GLCCI1: variants seen among roughly 807,000 people sequenced by gnomAD.
The protein encoded by GLCCI1 is glucocorticoid-induced transcript 1 protein.
Under a neutral mutation model 52.2 loss-of-function variants are expected in GLCCI1, and 24 were observed. The ratio of observed to expected loss-of-function variants is 0.46; its 90% confidence interval spans 0.33 to 0.65. The LOEUF (loss-of-function observed/expected upper bound fraction) is 0.65. Ranked by LOEUF, GLCCI1 falls within the 30% of genes least tolerant of loss-of-function variation. The pLI is 0.02. For missense variants in GLCCI1, 704 were observed against 701.5 expected, an observed-to-expected ratio of 1.00 and a Z score of -0.04; for synonymous variants, 310 against 276.5, an observed-to-expected ratio of 1.12 and a Z score of -1.20.
chr7:8,015,961 AAGCACAC>A (rs1359969885), intron 2 of GLCCI1, among the ~76,000 whole-genome samples: 1 of 152,122 alleles, frequency 6.6e-6, no homozygotes, highest in East Asian at 1.9e-4. Flanking sequence ...CTTTGCCCCT[AAGCACAC>A]TCTAGGTAAA....
chr7:8,054,351 G>A (rs2127958714), intron 3 of GLCCI1, among the ~76,000 whole-genome samples: 1 of 152,214 alleles, frequency 6.6e-6, no homozygotes, highest in South Asian at 2.1e-4. Context: ...TCTTTTGCAA[G>A]CACATTTTAT....
chr7:7,987,176 C>CT (rs769267900), intron 1 of GLCCI1, among the ~76,000 whole-genome samples: 30 of 152,326 alleles, frequency 2.0e-4, no homozygotes, highest in Non-Finnish European at 3.4e-4. Context: ...CTATCCTCCA[C>CT]TGTGTACCTT....
chr7:8,072,602 G>A (rs575522102), intron 6 of GLCCI1, among the ~76,000 whole-genome samples: 1 of 152,252 alleles, frequency 6.6e-6, no homozygotes, highest in African/African-American at 2.4e-5. Context: ...CAGTAGGAGT[G>A]TTTGTTTTGA....
rs201412829 is a variant in GLCCI1 at position 8,013,764 on chromosome 7, A to G, written c.610-8719A>G. ...GTCTTTTTTGGTTGCTGTTGTAATT[A>G]GGATATTTAATATCTAATTTACATA... On this transcript the variant is annotated intron_variant, in intron 2 of 7. Transcript: ENST00000223145. 2.0e-5 allele frequency among the ~76,000 whole-genome samples: 3 copies of G among 152,312 alleles called. No individual in the cohort carries two copies. In the East Asian group the frequency reaches 5.8e-4, roughly 29 times the overall value.
chr7:8,057,528 G>A (rs1456122830), intron 4 of GLCCI1, among the ~76,000 whole-genome samples: 3 of 151,802 alleles, frequency 2.0e-5, no homozygotes, highest in East Asian at 1.9e-4. Flanking sequence ...TTAGGGATGC[G>A]GATTGACCAC....
At position 7,969,874 on chromosome 7, in the gene GLCCI1, C is replaced by T; in HGVS notation, c.457+67C>T. 4.7e-6 allele frequency: 6 copies of T among 1,271,194 alleles called. No homozygotes were observed. Among genetic ancestry groups the T allele is most frequent in the South Asian group, 1.5e-5 (1 of 64,754 alleles). The allele number at this position is 1,271,194 out of a possible 1,614,324, so 78.7% of individuals were successfully genotyped here. The stretch of plus-strand genomic sequence containing the variant: ...CCGACGGTGCCCTCCGTGGAAACTT[C>T]AGCCTCTTCGGGCTTCTCTTTGCTA... On this transcript the variant is annotated intron_variant, in intron 1 of 7. Transcript: ENST00000223145. The surrounding 1 kb of genome is among the most constrained non-coding windows in gnomAD (Gnocchi z 4.9).
chr7:8,050,465 AACTAG>A (rs1412065380), intron 3 of GLCCI1, among the ~76,000 whole-genome samples: 1 of 152,198 alleles, frequency 6.6e-6, no homozygotes, highest in African/African-American at 2.4e-5. Context: ...ATTTACTTTT[AACTAG>A]ACTATAGACC....
chr7:8,048,699 C>G (rs931997432), intron 3 of GLCCI1, among the ~76,000 whole-genome samples: 2 of 152,118 alleles, frequency 1.3e-5, no homozygotes, highest in African/African-American at 4.8e-5. Flanking sequence ...TTCATAGATG[C>G]TAGCAGAAGG....
At chr7:8,075,369 T>A (rs1388961077) in intron 6 of GLCCI1, among the ~76,000 whole-genome samples, 1 of 152,188 alleles carries the variant, frequency 6.6e-6, no homozygotes, top group Admixed American at 6.5e-5. Context: ...CTAATAGCCA[T>A]AGGAACTACT....
At chr7:8,070,393 C>G (rs1372500864) in intron 5 of GLCCI1, 1 of 152,746 alleles carries the variant, frequency 6.5e-6, no homozygotes, top group East Asian at 1.9e-4. Context: ...GAATAAACCT[C>G]TTTATTAGAA....
In GLCCI1 at chr7:8,079,882, T is replaced by TC. The variant is rs554450352; in HGVS notation, c.1178-5011dup. Among the ~76,000 whole-genome samples the TC allele has an allele frequency of 3.5e-3, 536 of 151,728 alleles. 6 individuals are homozygous for TC. Among genetic ancestry groups the TC allele is most frequent in the Non-Finnish European group, 5.9e-3 (400 of 67,992 alleles). ...TAATAAAAGGTTCTGATGTCATTTT[T>TC]CCCCTGTACTCTTTGCTGAATGCTG... On this transcript the variant is annotated intron_variant, in intron 6 of 7. Coordinates refer to ENST00000223145, the MANE Select transcript of GLCCI1 (RefSeq NM_138426.4).
intron 3 of GLCCI1, among the ~76,000 whole-genome samples, chr7:8,040,544 A>ACACACACACG (rs1371523962): frequency 6.6e-6 from 1 of 151,916 alleles, no homozygotes; most frequent in East Asian, 1.9e-4. Flanking sequence ...ACACACACAC[A>ACACACACACG]CACACACACA....
At chr7:8,034,978 C>T (rs13245462) in intron 3 of GLCCI1, among the ~76,000 whole-genome samples, 24,047 of 152,140 alleles carry the variant, frequency 0.16, 2,228 homozygotes, top group East Asian at 0.35. Context: ...GCTGTGATGG[C>T]AGGCCCAATA....
intron 4 of GLCCI1, among the ~76,000 whole-genome samples, chr7:8,058,119 A>C (rs1047356211): frequency 6.6e-6 from 1 of 152,200 alleles, no homozygotes; most frequent in African/African-American, 2.4e-5. Flanking sequence ...CTAGATGACT[A>C]GATAAAGTAT....
chr7:7,991,893 T>C (rs568932028), intron 1 of GLCCI1, among the ~76,000 whole-genome samples: 3 of 152,164 alleles, frequency 2.0e-5, no homozygotes, highest in East Asian at 3.9e-4. Flanking sequence ...CAAAAACCTA[T>C]TGATGGTTTT....
At chr7:7,981,681 CA>C (rs1182303534) in intron 1 of GLCCI1, 13 of 242,798 alleles carry the variant, frequency 5.4e-5, no homozygotes, top group African/African-American at 2.8e-4. Flanking sequence ...TTATAGATGA[CA>C]GAAGAAAACA....
chr7:7,999,043 A>T (rs1334481529), intron 1 of GLCCI1, among the ~76,000 whole-genome samples: 1 of 152,042 alleles, frequency 6.6e-6, no homozygotes, highest in East Asian at 1.9e-4. Flanking sequence ...AAGCAGCTAC[A>T]CATTACTGCA....
chr7:7,984,741 A>C (rs1780689332), intron 1 of GLCCI1, among the ~76,000 whole-genome samples: 1 of 152,256 alleles, frequency 6.6e-6, no homozygotes, highest in East Asian at 1.9e-4. Flanking sequence ...ACTGAGATTT[A>C]GCAAAATTAA....
At chr7:8,083,361 A>T (rs1783037460) in intron 6 of GLCCI1, among the ~76,000 whole-genome samples, 1 of 151,714 alleles carries the variant, frequency 6.6e-6, no homozygotes. Context: ...CCTTATTCTC[A>T]TCAGATGTTT....
Sources: gnomAD v4.1 joint callset for allele counts (sites outside exome capture counted in the v4.1 genomes callset) on GRCh38, gnomAD v4.1.1 for gene constraint, Gnocchi (gnomAD v3.1) non-coding constraint, MANE v1.5 for transcripts, NCBI Gene and HGNC (gene_info 2026-07-23, HGNC 2026-07-21) for gene names.